The following HECW1 variants were observed in gnomAD, a reference collection of about 807,000 sequenced individuals.
HECW1 encodes E3 ubiquitin-protein ligase HECW1.
HECW1 carries 61 observed loss-of-function variants against 182.3 expected under a neutral mutation model. The ratio of observed to expected loss-of-function variants is 0.33; its 90% CI spans 0.27 to 0.41. HECW1 has a LOEUF of 0.41. Ranked by LOEUF, HECW1 falls within the 10% of genes least tolerant of loss-of-function variation. The pLI, the probability that HECW1 is intolerant of heterozygous loss-of-function variation, is 1.00. For missense variants in HECW1, 1,739 were observed against 2,108.9 expected, an observed-to-expected ratio of 0.82 and a Z score of 3.44; for synonymous variants, 859 against 832.6, an observed-to-expected ratio of 1.03 and a Z score of -0.55.
rs187597550 is a variant in HECW1 at position 43,145,745 on chromosome 7, T to C, written c.-32+31354T>C. Among the ~76,000 whole-genome samples the C allele has an allele frequency of 3.5e-4, 53 of 152,334 alleles. No homozygotes were observed. The East Asian group carries it at 5.4e-3, about 16-fold the overall frequency. On this transcript the variant is annotated intron_variant, in intron 2 of 29. Transcript: ENST00000395891. ...TGTTGCCCAAGTGTTATCCAGAGGA[T>C]GGTTGTGAGAAACAGAGCACTAAAT... is the stretch of plus-strand genomic sequence containing the variant.
chr7:43,368,665 A>G (rs1460588735), intron 6 of HECW1, among the ~76,000 whole-genome samples: 1 of 152,172 alleles, frequency 6.6e-6, no homozygotes, highest in East Asian at 1.9e-4. Flanking sequence ...ACATTAAGGA[A>G]TCTGTTCAGT....
intron 18 of HECW1, 98 bp from the exon 19 acceptor site, chr7:43,492,986 C>T (rs919322055): frequency 1.4e-6 from 1 of 730,664 alleles, no homozygotes; most frequent in Non-Finnish European, 2.2e-6. Flanking sequence ...CTTCAAACTC[C>T]TTCATTAATC....
intron 2 of HECW1, among the ~76,000 whole-genome samples, chr7:43,183,131 A>G (rs1583857129): frequency 6.6e-6 from 1 of 152,254 alleles, no homozygotes; most frequent in Non-Finnish European, 1.5e-5. Flanking sequence ...TGTGGGGAAA[A>G]AGGCATATAA....
At chr7:43,119,021 G>C (rs931103260) in intron 2 of HECW1, 3 of 152,132 alleles carry the variant, frequency 2.0e-5, no homozygotes, top group African/African-American at 7.2e-5. Context: ...ATATTTTATT[G>C]TGACATATTT....
At chr7:43,197,387 G>T (rs980540333) in intron 2 of HECW1, among the ~76,000 whole-genome samples, 1 of 152,060 alleles carries the variant, frequency 6.6e-6, no homozygotes, top group Non-Finnish European at 1.5e-5. Flanking sequence ...GAAAGGCTCC[G>T]CTGCCCTAGA....
chr7:43,145,214 A>G (rs906976535), intron 2 of HECW1, among the ~76,000 whole-genome samples: 1 of 152,198 alleles, frequency 6.6e-6, no homozygotes, highest in Admixed American at 6.5e-5. Context: ...TATGAACTCA[A>G]TGTAGTCTGC....
intron 5 of HECW1, among the ~76,000 whole-genome samples, chr7:43,333,985 G>A (rs982441582): frequency 3.3e-5 from 5 of 152,174 alleles, no homozygotes; most frequent in African/African-American, 4.8e-5. Flanking sequence ...ACCAGGAAAC[G>A]GATGTTAGAA....
chr7:43,349,887 A>G (rs1814191295), intron 5 of HECW1, among the ~76,000 whole-genome samples: 1 of 152,056 alleles, frequency 6.6e-6, no homozygotes, highest in African/African-American at 2.4e-5. Context: ...TGCTTTCATC[A>G]TGTTCTTTGT....
At chr7:43,336,553 C>G (rs567422014) in intron 5 of HECW1, among the ~76,000 whole-genome samples, 1 of 152,188 alleles carries the variant, frequency 6.6e-6, no homozygotes, top group Non-Finnish European at 1.5e-5. Flanking sequence ...TTTATTTTCT[C>G]TTATTTCATT....
intron 2 of HECW1, among the ~76,000 whole-genome samples, chr7:43,234,042 T>C (rs1451149508): frequency 6.6e-6 from 1 of 152,196 alleles, no homozygotes; most frequent in Non-Finnish European, 1.5e-5. Context: ...CTCTCCACAG[T>C]CTGCAAGAGC....
intron 2 of HECW1, among the ~76,000 whole-genome samples, chr7:43,151,704 A>T (rs1272239244): frequency 6.6e-6 from 1 of 152,218 alleles, no homozygotes; most frequent in Non-Finnish European, 1.5e-5. Context: ...TTCACAGAAC[A>T]TAGAATGAAA....
chr7:43,237,164 G>A (rs1399263981), intron 2 of HECW1, among the ~76,000 whole-genome samples: 2 of 126,970 alleles, frequency 1.6e-5, no homozygotes, highest in African/African-American at 6.9e-5. Context: ...TAGGTAGGTA[G>A]GTAGGTAGGT....
At chr7:43,251,781 A>G (rs1031701206) in intron 3 of HECW1, among the ~76,000 whole-genome samples, 84 of 151,826 alleles carry the variant, frequency 5.5e-4, no homozygotes, top group African/African-American at 1.9e-3. Flanking sequence ...TCCTTCTCAG[A>G]CTCTTTCTTC....
rs138838335 is a variant in HECW1 at position 43,520,021 on chromosome 7, G to A, written c.4019+10900G>A. Among the ~76,000 whole-genome samples the A allele has an allele frequency of 3.3e-5, 5 of 152,270 alleles. No individual in the cohort carries two copies. The East Asian group carries it at 9.6e-4, about 29-fold the overall frequency. On this transcript the variant is annotated intron_variant, in intron 24 of 29. Transcript: ENST00000395891. ...GTCTATATAAAAATTACATCTGTGG[G>A]TAAAAAATAAATAAATCTCTTACAG...
At chr7:43,390,445 G>A (rs957708687) in intron 6 of HECW1, among the ~76,000 whole-genome samples, 5 of 151,710 alleles carry the variant, frequency 3.3e-5, no homozygotes, top group African/African-American at 9.7e-5. Context: ...GGAGTCTGAG[G>A]TGGGAGGACC....
chr7:43,172,165 G>T (rs1791763202), intron 2 of HECW1, among the ~76,000 whole-genome samples: 1 of 151,226 alleles, frequency 6.6e-6, no homozygotes, highest in African/African-American at 2.4e-5. Flanking sequence ...GGGGGTGGGG[G>T]GATGTGTAAT....
At chr7:43,135,540 T>A (rs1405454277) in intron 2 of HECW1, among the ~76,000 whole-genome samples, 1 of 152,168 alleles carries the variant, frequency 6.6e-6, no homozygotes, top group Non-Finnish European at 1.5e-5. Flanking sequence ...AAATAAATAT[T>A]TCTCTTGACT....
chr7:43,188,001 G>A (rs1583878527), intron 2 of HECW1, among the ~76,000 whole-genome samples: 3 of 152,280 alleles, frequency 2.0e-5, no homozygotes, highest in South Asian at 2.1e-4. Context: ...TTTTGGCACC[G>A]TAGCACATAC....
At chr7:43,191,400 C>T (rs1028431900) in intron 2 of HECW1, among the ~76,000 whole-genome samples, 3 of 152,224 alleles carry the variant, frequency 2.0e-5, no homozygotes, top group African/African-American at 4.8e-5. Flanking sequence ...AATTACACTT[C>T]TTGGACAAAA....
Sources: gnomAD v4.1 joint callset for allele counts (sites outside exome capture counted in the v4.1 genomes callset) on GRCh38, gnomAD v4.1.1 for gene constraint, MANE v1.5 for transcripts, NCBI Gene and HGNC (gene_info 2026-07-23, HGNC 2026-07-21) for gene names.